Variants in MON2 observed in about 807,000 individuals in gnomAD.
The protein encoded by MON2 is MON2 regulator of endosome-to-Golgi trafficking, also known as protein MON2 homolog.
In MON2, 84 loss-of-function variants were observed where a neutral mutation model predicts 208.6. The observed-to-expected ratio is 0.40, with a 90% CI of 0.34 to 0.48. MON2 has a LOEUF of 0.48. Among genes scored for constraint, MON2 ranks in the 20% least tolerant of loss-of-function variants. The pLI is 0.59. For synonymous variants in MON2, 660 were observed against 694.0 expected, an observed-to-expected ratio of 0.95 and a Z score of 0.77; for missense variants, 1,611 against 2,015.4, an observed-to-expected ratio of 0.80 and a Z score of 3.84.
intron 1 of MON2, among the ~76,000 whole-genome samples, chr12:62,472,440 A>C (rs1565948745): frequency 6.6e-6 from 1 of 152,232 alleles, no homozygotes; most frequent in Non-Finnish European, 1.5e-5. Flanking sequence ...ATGCAGAATC[A>C]GTAAGGGTAT....
intron 34 of MON2, among the ~76,000 whole-genome samples, chr12:62,589,570 A>G (rs1794160152): frequency 6.6e-6 from 1 of 152,084 alleles, no homozygotes; most frequent in Admixed American, 6.6e-5. Context: ...AGCCTGGGGC[A>G]GTGTCCTGAA....
chr12:62,509,813 G>C (rs1009221479), intron 8 of MON2, among the ~76,000 whole-genome samples: 1 of 149,322 alleles, frequency 6.7e-6, no homozygotes, highest in African/African-American at 2.4e-5. Context: ...AAATAATAAA[G>C]AATACCACAT....
intron 16 of MON2, 114 bp from the exon 17 acceptor site, chr12:62,537,982 C>T: frequency 1.1e-6 from 1 of 889,018 alleles, no homozygotes; most frequent in South Asian, 1.7e-5. Flanking sequence ...TTTTAAAAAC[C>T]TACTACTGAT....
At position 62,599,694 on chromosome 12, in the gene MON2, T is replaced by A. The variant is rs1042342880; in HGVS notation, c.*6945T>A. ...TACCTAAAGTCCAGGTGGATCACTATGTCTTGCTTTTTCAAAAGCAGTTCT... is the reference window on the plus strand; with the variant it reads ...TACCTAAAGTCCAGGTGGATCACTAAGTCTTGCTTTTTCAAAAGCAGTTCT... On this transcript the variant is annotated 3_prime_UTR_variant, in exon 35 of 35. Coordinates refer to ENST00000393630, the MANE Select transcript of MON2 (RefSeq NM_015026.3). The A allele has an allele frequency of 6.6e-6, 1 of 152,204 alleles. No individual in the cohort carries two copies. The highest frequency in any genetic ancestry group is 1.5e-5 in the Non-Finnish European group (1 of 68,026). 9.4% of individuals were successfully genotyped at this position (152,204 alleles called of 1,614,324 possible).
At chr12:62,541,273 C>T (rs1414839254) in intron 19 of MON2, among the ~76,000 whole-genome samples, 2 of 151,372 alleles carry the variant, frequency 1.3e-5, no homozygotes, top group Non-Finnish European at 2.9e-5. Context: ...CCCAGCTGTT[C>T]TCATGGCTGA....
chr12:62,506,791 A>G (rs2071124206), intron 7 of MON2, among the ~76,000 whole-genome samples: 1 of 151,606 alleles, frequency 6.6e-6, no homozygotes, highest in Non-Finnish European at 1.5e-5. Context: ...TCTGTGCCTT[A>G]TTTTCCTTCT....
At chr12:62,578,603 G>C in intron 31 of MON2, 98 bp downstream of exon 31, 1 of 740,008 alleles carries the variant, frequency 1.4e-6, no homozygotes, top group South Asian at 2.1e-5. Context: ...AAAGTAATAG[G>C]TTAAGATTAA....
intron 8 of MON2, 52 bp downstream of exon 8, chr12:62,508,532 T>G: frequency 6.4e-7 from 1 of 1,554,282 alleles, no homozygotes; most frequent in Non-Finnish European, 8.9e-7. Context: ...TGTTGTGCCC[T>G]TTGTAAAAAG....
In MON2 at chr12:62,484,160, ATTC is replaced by A; in HGVS notation, c.112-7_112-5del. On this transcript the variant is annotated splice_region_variant and splice_polypyrimidine_tract_variant and intron_variant, in intron 1 of 34. Transcript: ENST00000393630. The stretch of plus-strand genomic sequence containing the variant: ...TAAATTTTGTGTTCTAATTATTTTT[ATTC>A]TTGCAGGCTGCTGAATCAGGAATAA... 1 of 1,582,270 alleles carries A rather than the reference ATTC, an allele frequency of 6.3e-7. No homozygotes were observed. The highest frequency in any genetic ancestry group is 8.6e-7 in the Non-Finnish European group (1 of 1,162,346).
intron 29 of MON2, among the ~76,000 whole-genome samples, chr12:62,567,905 C>A (rs951950139): frequency 2.6e-5 from 4 of 152,150 alleles, no homozygotes; most frequent in Non-Finnish European, 4.4e-5. Flanking sequence ...GGCAAATAGA[C>A]CTATCTGAGC....
At position 62,526,146 on chromosome 12, in the gene MON2, G is replaced by A. The variant is rs768992803; in HGVS notation, c.1400+44G>A. The stretch of plus-strand genomic sequence containing the variant: ...ATTTTATAAGGAATGATGTTGTTGG[G>A]GGTGATATTTAACCTAAAATTCTTC... On this transcript the variant is annotated intron_variant, in intron 11 of 34. Transcript: ENST00000393630. The A allele has an allele frequency of 3.8e-6, 6 of 1,568,992 alleles. No individual in the cohort carries two copies. In the South Asian group the frequency reaches 6.8e-5, roughly 18 times the overall value.
Position 62,544,455 on chromosome 12 carries a change from A to G in MON2, c.2467-443A>G, listed in dbSNP as rs182995923. 1.1e-4 allele frequency among the ~76,000 whole-genome samples: 16 copies of G among 152,272 alleles called. No individual in the cohort carries two copies. In the East Asian group the frequency reaches 2.9e-3, roughly 28 times the overall value. On this transcript the variant is annotated intron_variant, in intron 20 of 34. Coordinates refer to ENST00000393630, the MANE Select transcript of MON2 (RefSeq NM_015026.3). ...AGTGAGAGACTGTGTCTCAAAAATA[A>G]TAATAATAAAATAAATAAGAAAAAC...
chr12:62,497,804 C>G (rs2070608912), intron 4 of MON2, among the ~76,000 whole-genome samples: 1 of 152,106 alleles, frequency 6.6e-6, no homozygotes, highest in African/African-American at 2.4e-5. Flanking sequence ...TTAGTAGAGA[C>G]AGGGTTTCAC....
chr12:62,507,603 G>C (rs1184652050), intron 7 of MON2, among the ~76,000 whole-genome samples: 1 of 152,058 alleles, frequency 6.6e-6, no homozygotes, highest in African/African-American at 2.4e-5. Context: ...CCAGGCCTGA[G>C]CCACCATGCC....
In MON2 at chr12:62,561,142, C is replaced by T. The variant is rs1442913920; in HGVS notation, c.4032+29C>T. On this transcript the variant is annotated intron_variant, in intron 26 of 34. Coordinates refer to ENST00000393630, the MANE Select transcript of MON2 (RefSeq NM_015026.3). ...ATATAATTTTAGTGGCTAAGTAATA[C>T]TGCATATAGTTCTCTGAAATTTTTT... 7.1e-6 allele frequency: 11 copies of T among 1,539,814 alleles called. No homozygotes were observed. The Admixed American group carries it at 1.1e-4, about 15-fold the overall frequency.
intron 8 of MON2, among the ~76,000 whole-genome samples, chr12:62,512,487 C>T (rs1259499497): frequency 1.3e-5 from 2 of 152,220 alleles, no homozygotes; most frequent in African/African-American, 4.8e-5. Context: ...CCTCCTTTGA[C>T]TCCATGTCTG....
chr12:62,546,073 C>T (rs971590430), intron 21 of MON2, among the ~76,000 whole-genome samples: 1 of 152,008 alleles, frequency 6.6e-6, no homozygotes, highest in African/African-American at 2.4e-5. Context: ...TTTTTTAAGT[C>T]TCCAACAAAT....
intron 29 of MON2, among the ~76,000 whole-genome samples, chr12:62,568,326 T>G (rs1423273442): frequency 6.6e-6 from 1 of 152,146 alleles, no homozygotes; most frequent in Non-Finnish European, 1.5e-5. Context: ...CAAAGTAATA[T>G]GAATCAGTTT....
intron 32 of MON2, among the ~76,000 whole-genome samples, chr12:62,582,131 T>C (rs2075027931): frequency 3.3e-5 from 5 of 152,212 alleles, no homozygotes; most frequent in Admixed American, 3.3e-4. Flanking sequence ...ATTAAGAGTA[T>C]GTGAAAATAT....
Sources: gnomAD v4.1 joint callset for allele counts (sites outside exome capture counted in the v4.1 genomes callset) on GRCh38, gnomAD v4.1.1 for gene constraint, MANE v1.5 for transcripts, NCBI Gene and HGNC (gene_info 2026-07-23, HGNC 2026-07-21) for gene names.